The following PPARGC1A variants were observed in gnomAD, a reference collection of about 807,000 sequenced individuals.
PPARGC1A encodes PPARG coactivator 1 alpha, also known as peroxisome proliferator-activated receptor gamma coactivator 1-alpha.
In PPARGC1A, 25 loss-of-function variants were observed where a neutral mutation model predicts 88.7. The observed-to-expected ratio is 0.28, with a 90% CI of 0.21 to 0.39. PPARGC1A has a LOEUF of 0.39. Among genes scored for constraint, PPARGC1A ranks in the 10% least tolerant of loss-of-function variants. The pLI, the probability that PPARGC1A is intolerant of heterozygous loss-of-function variation, is 1.00. For synonymous variants in PPARGC1A, 363 were observed against 355.6 expected, an observed-to-expected ratio of 1.02 and a Z score of -0.24; for missense variants, 880 against 968.7, an observed-to-expected ratio of 0.91 and a Z score of 1.22.
At chr4:24,173,581 C>A in the PPARGC1A span, among the ~76,000 whole-genome samples, 1 of 152,216 alleles carries the variant, frequency 6.6e-6, no homozygotes, top group African/African-American at 2.4e-5. Context: ...TGCCTGGGAG[C>A]ATTAGTTATC....
chr4:24,079,011 T>C, the PPARGC1A span, among the ~76,000 whole-genome samples: 2 of 152,190 alleles, frequency 1.3e-5, no homozygotes, highest in South Asian at 2.1e-4. Context: ...TTTGAACGGC[T>C]TTCTCATAGT....
the PPARGC1A span, among the ~76,000 whole-genome samples, chr4:24,180,820 A>C: frequency 6.6e-6 from 1 of 152,206 alleles, no homozygotes; most frequent in African/African-American, 2.4e-5. Flanking sequence ...ACTAGAATAT[A>C]AATGTGCAAA....
At chr4:24,127,366 C>T in the PPARGC1A span, among the ~76,000 whole-genome samples, 1 of 151,876 alleles carries the variant, frequency 6.6e-6, no homozygotes, top group Non-Finnish European at 1.5e-5. Flanking sequence ...ACGCCATAAG[C>T]CATAGTATCA....
At chr4:24,236,420 G>C in the PPARGC1A span, among the ~76,000 whole-genome samples, 1 of 152,198 alleles carries the variant, frequency 6.6e-6, no homozygotes, top group Non-Finnish European at 1.5e-5. Flanking sequence ...ACCTGGTGCA[G>C]TACCTTAAGA....
the PPARGC1A span, among the ~76,000 whole-genome samples, chr4:23,956,773 T>C: frequency 6.6e-6 from 1 of 152,130 alleles, no homozygotes; most frequent in East Asian, 1.9e-4. Context: ...AAAATTCAAA[T>C]GCTAAGCTCT....
the PPARGC1A span, among the ~76,000 whole-genome samples, chr4:24,377,085 AT>A: frequency 7.9e-5 from 12 of 151,640 alleles, no homozygotes; most frequent in East Asian, 1.8e-3. Flanking sequence ...AAATTTGTAG[AT>A]TTTTTTTCAC....
the PPARGC1A span, among the ~76,000 whole-genome samples, chr4:24,405,237 A>G: frequency 0.029 from 4,408 of 152,364 alleles, 123 homozygotes; most frequent in East Asian, 0.14. Context: ...AAAATGTCAC[A>G]CAAACTGCTA....
At chr4:24,060,326 A>T in the PPARGC1A span, among the ~76,000 whole-genome samples, 44,457 of 152,176 alleles carry the variant, frequency 0.29, 7,087 homozygotes, top group African/African-American at 0.36. Flanking sequence ...AATTTCAGGA[A>T]ATATACCCCG....
chr4:23,869,402 G>A (rs1317868985), intron 2 of PPARGC1A, among the ~76,000 whole-genome samples: 1 of 152,086 alleles, frequency 6.6e-6, no homozygotes, highest in East Asian at 1.9e-4. Flanking sequence ...AAGGGTTGTG[G>A]CCCGACCAAG....
At chr4:23,937,720 A>G in the PPARGC1A span, among the ~76,000 whole-genome samples, 4 of 152,122 alleles carry the variant, frequency 2.6e-5, no homozygotes, top group Non-Finnish European at 4.4e-5. Context: ...CACTATACAT[A>G]CTATAAGTCT....
the PPARGC1A span, among the ~76,000 whole-genome samples, chr4:23,994,878 CCAGT>C: frequency 6.6e-6 from 1 of 152,054 alleles, no homozygotes; most frequent in African/African-American, 2.4e-5. Flanking sequence ...AAGACGAATT[CCAGT>C]CAATCAACAG....
chr4:23,895,991 T>C (rs962430151), intron 1 of PPARGC1A, among the ~76,000 whole-genome samples: 6 of 147,292 alleles, frequency 4.1e-5, no homozygotes, highest in South Asian at 4.3e-4. Context: ...TATATATATA[T>C]ACACACACAT....
the PPARGC1A span, among the ~76,000 whole-genome samples, chr4:24,289,392 G>A: frequency 6.6e-6 from 1 of 151,990 alleles, no homozygotes; most frequent in African/African-American, 2.4e-5. Context: ...TCCCACCCAA[G>A]GTTGGCCCCT....
the PPARGC1A span, among the ~76,000 whole-genome samples, chr4:23,939,681 A>G: frequency 2.5e-4 from 38 of 152,340 alleles, no homozygotes; most frequent in African/African-American, 9.1e-4. Context: ...GAGATCCCCA[A>G]TTCAACACTA....
At chr4:23,811,450 C>CTA (rs2109432297) in intron 10 of PPARGC1A, among the ~76,000 whole-genome samples, 1 of 152,302 alleles carries the variant, frequency 6.6e-6, no homozygotes, top group South Asian at 2.1e-4. Flanking sequence ...AAAAGCAGTG[C>CTA]TATATCTCAT....
chr4:24,128,551 T>C, the PPARGC1A span, among the ~76,000 whole-genome samples: 2 of 149,546 alleles, frequency 1.3e-5, no homozygotes, highest in East Asian at 2.1e-4. Flanking sequence ...TGTGTGTGTG[T>C]GTGTGTGTGT....
chr4:24,153,955 G>A, the PPARGC1A span, among the ~76,000 whole-genome samples: 1 of 152,062 alleles, frequency 6.6e-6, no homozygotes, highest in Non-Finnish European at 1.5e-5. Context: ...GGAGGGAAAG[G>A]AGAAGAGAGT....
chr4:24,010,746 T>A, the PPARGC1A span, among the ~76,000 whole-genome samples: 1 of 152,164 alleles, frequency 6.6e-6, no homozygotes, highest in Admixed American at 6.5e-5. Flanking sequence ...TGGAGAACAA[T>A]AAGAACTTGA....
chr4:24,287,054 G>A, the PPARGC1A span, among the ~76,000 whole-genome samples: 18 of 152,098 alleles, frequency 1.2e-4, no homozygotes, highest in Non-Finnish European at 1.8e-4. Flanking sequence ...TCTTTTAACT[G>A]AGAGGTTCTC....
Sources: allele counts gnomAD v4.1 joint callset (sites outside exome capture counted in the v4.1 genomes callset), GRCh38; gene constraint gnomAD v4.1.1; transcripts MANE v1.5; gene names NCBI Gene and HGNC (gene_info 2026-07-23, HGNC 2026-07-21).